MAGI1: variants seen among roughly 807,000 people sequenced by gnomAD.
MAGI1 encodes the protein membrane-associated guanylate kinase, WW and PDZ domain-containing protein 1.
Under a neutral mutation model 139.9 loss-of-function variants are expected in MAGI1, and 58 were observed. That is an observed-to-expected ratio of 0.41 (90% confidence interval 0.34 to 0.52). The LOEUF (loss-of-function observed/expected upper bound fraction) is 0.52, where lower values mean the gene tolerates loss of function less well. MAGI1 is among the 20% of genes least tolerant of loss of function. The pLI, the probability that MAGI1 is intolerant of heterozygous loss-of-function variation, is 0.12. For missense variants in MAGI1, 1,874 were observed against 1,901.6 expected, an observed-to-expected ratio of 0.99 and a Z score of 0.27; for synonymous variants, 812 against 737.9, an observed-to-expected ratio of 1.10 and a Z score of -1.63.
In MAGI1 at chr3:65,381,942, A is replaced by C; in HGVS notation, c.2636T>G (p.Leu879Arg). Residue 879 changes from leucine to arginine, a missense_variant, in exon 16 of 23, where the codon CTT (leucine) becomes CGT (arginine). Leu to Arg is a moderately radical substitution (Grantham distance 102). This residue lies in a region of MAGI1 where 482 missense variants were observed against 509.6 expected (regional missense o/e 0.95). Coordinates refer to ENST00000402939, the MANE Select transcript of MAGI1 (RefSeq NM_001033057.2). ...IGKSHQLVVQ[L>R]MQQAAKQGHV... is the part of the protein sequence containing the mutation. The stretch of plus-strand genomic sequence containing the variant: ...GCCTTGCTTGGCAGCTTGTTGCATA[A>C]GCTGGACCACAAGCTGGTGTGATTT... 3 of 1,614,140 alleles carry C rather than the reference A, an allele frequency of 1.9e-6. No homozygotes were observed. The highest frequency in any genetic ancestry group is 2.5e-6 in the Non-Finnish European group (3 of 1,180,022).
At chr3:65,991,804 C>T (rs1469331944) in intron 1 of MAGI1, among the ~76,000 whole-genome samples, 1 of 152,052 alleles carries the variant, frequency 6.6e-6, no homozygotes, top group East Asian at 1.9e-4. Flanking sequence ...CACCTGAGGT[C>T]AGGAGTTTGA....
At chr3:65,479,196 T>C (rs1248573528) in intron 3 of MAGI1, among the ~76,000 whole-genome samples, 2 of 152,184 alleles carry the variant, frequency 1.3e-5, no homozygotes, top group Non-Finnish European at 2.9e-5. Context: ...CCGGCATCCT[T>C]ACAGGCCTAA....
At chr3:65,894,340 C>G (rs901011158) in intron 1 of MAGI1, among the ~76,000 whole-genome samples, 1 of 152,166 alleles carries the variant, frequency 6.6e-6, no homozygotes, top group Admixed American at 6.5e-5. Flanking sequence ...AAATCCTGTT[C>G]AATTTCCATT....
At position 65,509,904 on chromosome 3, in the gene MAGI1, G is replaced by A. The variant is rs571662072; in HGVS notation, c.431-16273C>T. Among the ~76,000 whole-genome samples the A allele has an allele frequency of 5.3e-5, 8 of 152,306 alleles. No homozygotes were observed. The South Asian group carries it at 8.3e-4, about 16-fold the overall frequency. On this transcript the variant is annotated intron_variant, in intron 2 of 22. Transcript: ENST00000402939. ...AACCTCTGCAGACTTAAGTGTCCCT[G>A]TCTGACAGCTTTGAAGAGAGGAGTG...
chr3:65,428,834 A>G (rs1295290587), intron 12 of MAGI1, among the ~76,000 whole-genome samples: 3 of 152,208 alleles, frequency 2.0e-5, no homozygotes, highest in African/African-American at 4.8e-5. Flanking sequence ...TACTTTAGAT[A>G]AAGTGATGGG....
At chr3:65,889,360 T>C (rs1225855938) in intron 1 of MAGI1, among the ~76,000 whole-genome samples, 1 of 152,242 alleles carries the variant, frequency 6.6e-6, no homozygotes, top group Non-Finnish European at 1.5e-5. Context: ...GACCAGTTGC[T>C]GCTACATATT....
intron 7 of MAGI1, among the ~76,000 whole-genome samples, chr3:65,443,939 T>A (rs1948507256): frequency 6.6e-6 from 1 of 152,184 alleles, no homozygotes; most frequent in Non-Finnish European, 1.5e-5. Flanking sequence ...GGCAGAAGGC[T>A]TACATATACC....
intron 13 of MAGI1, among the ~76,000 whole-genome samples, chr3:65,400,808 G>T (rs1484345482): frequency 2.7e-5 from 3 of 112,684 alleles, no homozygotes; most frequent in Non-Finnish European, 5.0e-5. Flanking sequence ...TATACCTGCA[G>T]CATAATGCTG....
intron 5 of MAGI1, among the ~76,000 whole-genome samples, chr3:65,462,026 T>C (rs1316743057): frequency 6.6e-6 from 1 of 152,224 alleles, no homozygotes; most frequent in Non-Finnish European, 1.5e-5. Flanking sequence ...TGTTAGCCCT[T>C]TGAATGGATA....
At chr3:65,418,946 G>A (rs1023705522) in intron 12 of MAGI1, among the ~76,000 whole-genome samples, 27 of 152,182 alleles carry the variant, frequency 1.8e-4, no homozygotes, top group African/African-American at 5.5e-4. Context: ...ATGGTCTTGT[G>A]ACACTGTCTT....
chr3:65,844,116 G>A (rs1011767241), intron 1 of MAGI1: 34 of 517,248 alleles, frequency 6.6e-5, no homozygotes, highest in Non-Finnish European at 1.3e-4. Context: ...GCCAAACAGT[G>A]GGGCTGGACA....
intron 12 of MAGI1, among the ~76,000 whole-genome samples, chr3:65,417,997 C>T (rs1407297148): frequency 1.3e-5 from 2 of 152,172 alleles, no homozygotes; most frequent in Non-Finnish European, 2.9e-5. Context: ...ATGTTTTTGA[C>T]TGTCACCGTT....
intron 1 of MAGI1, among the ~76,000 whole-genome samples, chr3:65,977,359 C>G (rs1241424384): frequency 6.6e-6 from 1 of 152,162 alleles, no homozygotes; most frequent in Non-Finnish European, 1.5e-5. Flanking sequence ...TGTCCCAGAA[C>G]AGCGTATTCG....
intron 5 of MAGI1, among the ~76,000 whole-genome samples, chr3:65,468,997 A>G (rs1325403381): frequency 2.0e-5 from 3 of 151,320 alleles, no homozygotes; most frequent in African/African-American, 7.3e-5. Flanking sequence ...AAATGTGTGT[A>G]TACACACACA....
chr3:66,012,042 A>T lies in MAGI1; in HGVS notation c.313+25954T>A, dbSNP rs527642402. Among the ~76,000 whole-genome samples, 3 of 152,184 alleles carry T rather than the reference A, an allele frequency of 2.0e-5. No homozygotes were observed. In the East Asian group the frequency reaches 5.8e-4, roughly 29 times the overall value. On this transcript the variant is annotated intron_variant, in intron 1 of 22. Transcript: ENST00000402939. ...AGCTGTAACTCCCCCTACATCACAC[A>T]ACCTTGTCTATATCGATTTGCTTTT...
At chr3:65,885,983 G>T (rs1447953495) in intron 1 of MAGI1, among the ~76,000 whole-genome samples, 1 of 152,172 alleles carries the variant, frequency 6.6e-6, no homozygotes, top group African/African-American at 2.4e-5. Context: ...TTGAATGGTG[G>T]TTATCTCTGA....
At chr3:65,491,800 A>C (rs1261622792) in intron 3 of MAGI1, among the ~76,000 whole-genome samples, 1 of 152,014 alleles carries the variant, frequency 6.6e-6, no homozygotes, top group East Asian at 1.9e-4. Flanking sequence ...CAGGAAACTA[A>C]GCCAACTGAT....
intron 1 of MAGI1, among the ~76,000 whole-genome samples, chr3:65,921,918 CG>C (rs1467815567): frequency 9.2e-6 from 1 of 108,948 alleles, no homozygotes; most frequent in Non-Finnish European, 1.8e-5. Context: ...ACCACACACA[CG>C]ACACACACAC....
rs116744847 is a variant in MAGI1, at chr3:65,892,476, C to T, written c.313+145520G>A. On this transcript the variant is annotated intron_variant, in intron 1 of 22. Coordinates refer to ENST00000402939, the MANE Select transcript of MAGI1 (RefSeq NM_001033057.2). ...GGCATACCAACATTTTATTAAGTGG[C>T]ATACAAGGCATTCTTGTGTTTATTT... 3.2e-3 allele frequency among the ~76,000 whole-genome samples: 490 copies of T among 152,260 alleles called. 3 individuals carry two copies. Among genetic ancestry groups the T allele is most frequent in the African/African-American group, 0.011 (468 of 41,548 alleles).
Sources: gnomAD v4.1 joint callset for allele counts (sites outside exome capture counted in the v4.1 genomes callset) on GRCh38, gnomAD v4.1.1 for gene constraint, gnomAD v4.1.1 regional missense constraint, MANE v1.5 for transcripts, NCBI Gene and HGNC (gene_info 2026-07-23, HGNC 2026-07-21) for gene names.